Variants in NKAIN2 observed in about 807,000 individuals in gnomAD.
NKAIN2 encodes the protein sodium/potassium transporting ATPase interacting 2, also known as sodium/potassium-transporting ATPase subunit beta-1-interacting protein 2.
NKAIN2 carries 14 observed loss-of-function variants against 32.6 expected under a neutral mutation model. The ratio of observed to expected loss-of-function variants is 0.43; its 90% CI spans 0.28 to 0.67. The LOEUF is 0.67. Among genes scored for constraint, NKAIN2 ranks in the 30% least tolerant of loss-of-function variants. The pLI, the probability that NKAIN2 is intolerant of heterozygous loss-of-function variation, is 0.17. For missense variants in NKAIN2, 198 were observed against 258.3 expected (o/e 0.77, Z 1.60); for synonymous variants, 80 against 87.2 (o/e 0.92, Z 0.46).
intron 1 of NKAIN2, among the ~76,000 whole-genome samples, chr6:124,000,499 A>T (rs1779835202): frequency 6.6e-6 from 1 of 152,098 alleles, no homozygotes; most frequent in Non-Finnish European, 1.5e-5. Context: ...AATACATTGA[A>T]TTTTAGTGTG....
At chr6:124,617,352 C>G (rs1403798587) in intron 3 of NKAIN2, among the ~76,000 whole-genome samples, 1 of 152,166 alleles carries the variant, frequency 6.6e-6, no homozygotes, top group African/African-American at 2.4e-5. Context: ...TCAAATCACA[C>G]TGTTCTCTAA....
At chr6:124,092,576 A>G (rs1416482005) in intron 1 of NKAIN2, among the ~76,000 whole-genome samples, 1 of 151,980 alleles carries the variant, frequency 6.6e-6, no homozygotes, top group East Asian at 1.9e-4. Flanking sequence ...CTTCATAACT[A>G]TTTTATTCAA....
chr6:124,516,232 T>C (rs1400959231), intron 3 of NKAIN2, among the ~76,000 whole-genome samples: 1 of 151,994 alleles, frequency 6.6e-6, no homozygotes, highest in African/African-American at 2.4e-5. Context: ...GTAAGGGAAA[T>C]TGATAGTGCA....
intron 4 of NKAIN2, among the ~76,000 whole-genome samples, chr6:124,764,037 T>G (rs1403819625): frequency 6.6e-6 from 1 of 152,200 alleles, no homozygotes; most frequent in East Asian, 1.9e-4. Flanking sequence ...CTGCATTATT[T>G]ATATCAGTAT....
chr6:124,395,824 G>T (rs1242280689), intron 3 of NKAIN2, among the ~76,000 whole-genome samples: 1 of 152,082 alleles, frequency 6.6e-6, no homozygotes, highest in Non-Finnish European at 1.5e-5. Flanking sequence ...AATAGATCTA[G>T]TATCATTCCA....
chr6:124,026,014 G>A (rs1172801985), intron 1 of NKAIN2, among the ~76,000 whole-genome samples: 1 of 152,114 alleles, frequency 6.6e-6, no homozygotes, highest in East Asian at 1.9e-4. Flanking sequence ...ATTATACTGA[G>A]ACACAGGAAA....
At chr6:124,355,956 C>T (rs1434401541) in intron 3 of NKAIN2, among the ~76,000 whole-genome samples, 4 of 152,218 alleles carry the variant, frequency 2.6e-5, no homozygotes, top group South Asian at 2.1e-4. Flanking sequence ...CTTCAGATCT[C>T]GAACACCATC....
chr6:124,214,288 T>C (rs1262330124), intron 1 of NKAIN2, among the ~76,000 whole-genome samples: 2 of 152,160 alleles, frequency 1.3e-5, no homozygotes, highest in Non-Finnish European at 2.9e-5. Context: ...TGAGTATTAA[T>C]AGTAGTAAAA....
intron 4 of NKAIN2, among the ~76,000 whole-genome samples, chr6:124,775,733 A>G (rs912966111): frequency 2.0e-5 from 3 of 152,210 alleles, no homozygotes; most frequent in Non-Finnish European, 2.9e-5. Flanking sequence ...TGACCCTACT[A>G]TCTTAGCTAT....
intron 2 of NKAIN2, among the ~76,000 whole-genome samples, chr6:124,335,802 AT>A (rs1229892242): frequency 1.5e-4 from 23 of 152,144 alleles, no homozygotes; most frequent in Non-Finnish European, 3.2e-4. Flanking sequence ...GACATCTAAT[AT>A]TACATGTATT....
intron 5 of NKAIN2, among the ~76,000 whole-genome samples, chr6:124,804,772 A>C (rs1052030775): frequency 2.0e-5 from 3 of 152,170 alleles, no homozygotes; most frequent in African/African-American, 7.2e-5. Context: ...CACCTGGAAA[A>C]TCGGATCACT....
chr6:124,530,197 AC>A (rs1283908827), intron 3 of NKAIN2, among the ~76,000 whole-genome samples: 5 of 152,222 alleles, frequency 3.3e-5, no homozygotes, highest in African/African-American at 9.6e-5. Flanking sequence ...ATGACCAGGA[AC>A]CTTACAGACA....
At chr6:124,454,645 T>C (rs549770481) in intron 3 of NKAIN2, among the ~76,000 whole-genome samples, 1 of 152,148 alleles carries the variant, frequency 6.6e-6, no homozygotes, top group African/African-American at 2.4e-5. Flanking sequence ...TAACAATCAG[T>C]GTAGTGAGTA....
intron 4 of NKAIN2, among the ~76,000 whole-genome samples, chr6:124,687,218 A>G (rs998544758): frequency 2.7e-5 from 4 of 146,324 alleles, no homozygotes; most frequent in Admixed American, 2.1e-4. Context: ...ATGTGTATAT[A>G]TGTGGAATAT....
At chr6:123,931,801 C>T (rs1776263967) in intron 1 of NKAIN2, among the ~76,000 whole-genome samples, 1 of 151,944 alleles carries the variant, frequency 6.6e-6, no homozygotes, top group Non-Finnish European at 1.5e-5. Context: ...ACTAACCCTA[C>T]TCACCTCTCT....
chr6:124,779,312 GA>G (rs1779143925), intron 4 of NKAIN2, among the ~76,000 whole-genome samples: 2 of 86,700 alleles, frequency 2.3e-5, no homozygotes, highest in Admixed American at 1.1e-4. Context: ...GGGAGGGAGG[GA>G]GGGAGGGAAG....
intron 4 of NKAIN2, among the ~76,000 whole-genome samples, chr6:124,780,310 A>G (rs1779201188): frequency 6.6e-6 from 1 of 152,138 alleles, no homozygotes; most frequent in Non-Finnish European, 1.5e-5. Flanking sequence ...GCAAAAATGA[A>G]TTAAGTTGTG....
At chr6:123,929,509 A>G (rs958039532) in intron 1 of NKAIN2, among the ~76,000 whole-genome samples, 1 of 152,156 alleles carries the variant, frequency 6.6e-6, no homozygotes, top group Non-Finnish European at 1.5e-5. Flanking sequence ...GGCAAATTAA[A>G]AGAAAAGAAA....
intron 2 of NKAIN2, among the ~76,000 whole-genome samples, chr6:124,297,150 A>C (rs1796089780): frequency 6.6e-6 from 1 of 152,200 alleles, no homozygotes; most frequent in Non-Finnish European, 1.5e-5. Context: ...ATCCTTGAAC[A>C]ACATAGGGGT....
Sources: gnomAD v4.1 joint callset for allele counts (sites outside exome capture counted in the v4.1 genomes callset) on GRCh38, gnomAD v4.1.1 for gene constraint, MANE v1.5 for transcripts, NCBI Gene and HGNC (gene_info 2026-07-23, HGNC 2026-07-21) for gene names.